Variants in CAPRIN2 observed in about 807,000 individuals in gnomAD.
CAPRIN2 encodes caprin family member 2.
In CAPRIN2, 66 loss-of-function variants were observed where a neutral mutation model predicts 130.4. The observed-to-expected ratio is 0.51, with a 90% CI of 0.42 to 0.62. The LOEUF (loss-of-function observed/expected upper bound fraction) is 0.62. CAPRIN2 is among the 20% of genes least tolerant of loss of function. The pLI, the probability that CAPRIN2 is intolerant of heterozygous loss-of-function variation, is 0.00. For missense variants in CAPRIN2, 1,185 were observed against 1,246.6 expected, an observed-to-expected ratio of 0.95 and a Z score of 0.74; for synonymous variants, 471 against 444.1, an observed-to-expected ratio of 1.06 and a Z score of -0.76.
chr12:30,720,624 T>G (rs1428168225), intron 12 of CAPRIN2, 187 bp downstream of exon 13: 3 of 503,742 alleles, frequency 6.0e-6, no homozygotes, highest in African/African-American at 5.8e-5. Context: ...ATATTAAATC[T>G]ATTTATATGG....
rs879240774 is a variant in CAPRIN2, at chr12:30,734,859, C to A, written c.809+109G>T. 1.5e-5 allele frequency: 8 copies of A among 538,674 alleles called. No homozygotes were observed. The South Asian group carries it at 1.6e-4, about 11-fold the overall frequency. The allele number at this position is 538,674 out of a possible 1,614,324, so 33.4% of individuals were successfully genotyped here. A position where few individuals can be genotyped will look rare whatever the true frequency, so the allele number is the denominator to read the frequency against. On this transcript the variant is annotated intron_variant, in intron 4 of 16. Coordinates refer to ENST00000298892, the Ensembl canonical transcript of CAPRIN2. The stretch of plus-strand genomic sequence containing the variant: ...TCTCTCCCCCTCTCTAACACACACA[C>A]ACACACACACACACACACACACACA...
intron 3 of CAPRIN2, among the ~76,000 whole-genome samples, chr12:30,737,661 G>A (rs902086928): frequency 5.5e-5 from 8 of 146,734 alleles, no homozygotes; most frequent in Admixed American, 4.1e-4. Context: ...GCAGTGGCAC[G>A]ATCTCGGCCC....
At chr12:30,720,894 A>G (rs758251146) in exon 12 of CAPRIN2, 5 of 1,612,954 alleles carry the variant, frequency 3.1e-6, no homozygotes, top group Non-Finnish European at 4.2e-6. Flanking sequence ...TTTGAGCTAC[A>G]AGTAACTGGA....
chr12:30,747,243 T>C (rs993877121), intron 2 of CAPRIN2, among the ~76,000 whole-genome samples: 10 of 152,202 alleles, frequency 6.6e-5, no homozygotes, highest in African/African-American at 2.4e-4. Flanking sequence ...TTCAAAATAT[T>C]AATGCTAATT....
intron 4 of CAPRIN2, 59 bp downstream of exon 5, chr12:30,734,909 C>A: frequency 1.9e-6 from 2 of 1,069,954 alleles, no homozygotes; most frequent in South Asian, 1.3e-5. Context: ...CATACACACA[C>A]CCCTAAAAAG....
rs2056420178 is a variant in CAPRIN2, at chr12:30,713,941, AAC to A, written c.2501-58_2501-57del. On this transcript the variant is annotated intron_variant, in intron 14 of 16. Coordinates refer to ENST00000298892, the Ensembl canonical transcript of CAPRIN2. ...TGGACAAAATCATATTAAACTTTTA[AAC>A]AGTCTAATTCTATATTGCTTTAAAA... 11 of 1,058,588 alleles carry A rather than the reference AAC, an allele frequency of 1.0e-5. 1 individual carries two copies. In the South Asian group the frequency reaches 1.5e-4, roughly 14 times the overall value. The allele number at this position is 1,058,588 out of a possible 1,614,324, so 65.6% of individuals were successfully genotyped here. A position where few individuals can be genotyped will look rare whatever the true frequency, so the allele number is the denominator to read the frequency against.
intron 8 of CAPRIN2, among the ~76,000 whole-genome samples, chr12:30,726,653 C>G (rs2061025706): frequency 6.6e-6 from 1 of 151,992 alleles, no homozygotes; most frequent in African/African-American, 2.4e-5. Flanking sequence ...TGAATTAGAC[C>G]AATTTACAGT....
At chr12:30,725,714 T>G (rs572840628) in intron 9 of CAPRIN2, among the ~76,000 whole-genome samples, 6 of 152,282 alleles carry the variant, frequency 3.9e-5, no homozygotes, top group African/African-American at 1.4e-4. Flanking sequence ...CTTGAGCAAG[T>G]TAAGCTTTTC....
intron 8 of CAPRIN2, among the ~76,000 whole-genome samples, chr12:30,726,612 A>C (rs2061010089): frequency 6.6e-6 from 1 of 152,198 alleles, no homozygotes; most frequent in African/African-American, 2.4e-5. Context: ...ACTGATATCC[A>C]TCCTAAATTG....
exon 8 of CAPRIN2, chr12:30,729,173 G>C (rs367829995): frequency 4.3e-6 from 7 of 1,613,904 alleles, no homozygotes; most frequent in Non-Finnish European, 5.9e-6. Flanking sequence ...AGGACTTAAA[G>C]GACTCCTGTT....
At chr12:30,741,618 T>G (rs1431567482) in intron 2 of CAPRIN2, among the ~76,000 whole-genome samples, 1 of 152,214 alleles carries the variant, frequency 6.6e-6, no homozygotes, top group Non-Finnish European at 1.5e-5. Flanking sequence ...AACTTTTTTT[T>G]AAAGATTTCC....
rs2068039851 is a variant in CAPRIN2 at position 30,742,654 on chromosome 12, G to A, written c.484-1548C>T. On this transcript the variant is annotated intron_variant, in intron 2 of 16. Transcript: ENST00000298892. ...ATAGCATGATACCACTTTCTATAAGGTACAAAAAAAACACAACTCTAACAG... is the reference window on the plus strand; with the variant it reads ...ATAGCATGATACCACTTTCTATAAGATACAAAAAAAACACAACTCTAACAG... Among the ~76,000 whole-genome samples, 3 of 149,842 alleles carry A rather than the reference G, an allele frequency of 2.0e-5. 1 individual carries two copies. The highest frequency in any genetic ancestry group is 2.0e-4 in the Admixed American group (3 of 15,040).
chr12:30,747,341 A>G (rs1182948523), intron 2 of CAPRIN2, among the ~76,000 whole-genome samples: 6 of 152,208 alleles, frequency 3.9e-5, no homozygotes, highest in African/African-American at 1.4e-4. Flanking sequence ...TACATTCTGC[A>G]GCCCATGGAT....
At chr12:30,751,902 C>T in intron 1 of CAPRIN2, among the ~76,000 whole-genome samples, 1 of 136,728 alleles carries the variant, frequency 7.3e-6, no homozygotes, top group South Asian at 2.3e-4. Flanking sequence ...CATAAACCCA[C>T]TATGGTATTT....
intron 12 of CAPRIN2, 109 bp downstream of exon 14, chr12:30,718,970 A>C: frequency 7.8e-7 from 1 of 1,285,252 alleles, no homozygotes; most frequent in East Asian, 2.4e-5. Flanking sequence ...ACCCAAATAA[A>C]TTTTACAAAA....
In CAPRIN2 at chr12:30,720,887, G is replaced by A. The variant is rs752603335; in HGVS notation, c.2072C>T (p.Ser691Leu). 2.8e-5 allele frequency: 45 copies of A among 1,613,294 alleles called. No individual in the cohort carries two copies. The South Asian group carries it at 4.8e-4, about 17-fold the overall frequency. ...ATCGGTAGTAACCAAGCAAGCATTT[G>A]AGCTACAAGTAACTGGAGAAGAAGT... The change falls in exon 12 of 17, where the codon TCA becomes TTA. Residue 691 changes from serine to leucine, a missense_variant. By Grantham distance (145) the Ser-to-Leu change is moderately radical (BLOSUM62 -2). Coordinates refer to ENST00000298892, the Ensembl canonical transcript of CAPRIN2.
At chr12:30,716,770 A>G in intron 12 of CAPRIN2, 94 bp from the exon 15 acceptor site, 2 of 1,110,556 alleles carry the variant, frequency 1.8e-6, no homozygotes, top group Non-Finnish European at 2.6e-6. Flanking sequence ...AAAAACTTCT[A>G]TTTTGCAGGC....
In CAPRIN2 at chr12:30,721,015, G is replaced by A. The variant is rs564893223; in HGVS notation, c.2044-100C>T. 1.0e-4 allele frequency: 77 copies of A among 769,098 alleles called. 1 individual carries two copies. In the East Asian group the frequency reaches 1.3e-3, roughly 13 times the overall value. 47.6% of individuals were successfully genotyped at this position (769,098 alleles called of 1,614,324 possible). ...CTAATATGTTACTCTTACTGAACAC[G>A]CACATGTGTCAAGCACTCTGCTAAA... is the stretch of plus-strand genomic sequence containing the variant. On this transcript the variant is annotated intron_variant, in intron 11 of 16. Coordinates refer to ENST00000298892, the Ensembl canonical transcript of CAPRIN2.
exon 17 of CAPRIN2, chr12:30,709,815 CCAAT>C: frequency 6.9e-7 from 1 of 1,445,332 alleles, no homozygotes; most frequent in East Asian, 2.3e-5. Context: ...TTTTCCTAAA[CCAAT>C]CAGTCATGAG....
Sources: allele counts gnomAD v4.1 joint callset (sites outside exome capture counted in the v4.1 genomes callset), GRCh38; gene constraint gnomAD v4.1.1; transcripts MANE v1.5; gene names NCBI Gene and HGNC (gene_info 2026-07-23, HGNC 2026-07-21).